Variants in DAP3 observed in about 807,000 individuals in gnomAD.
The protein encoded by DAP3 is small ribosomal subunit protein mS29.
Under a neutral mutation model 51.9 loss-of-function variants are expected in DAP3, and 28 were observed. The observed-to-expected ratio is 0.54, with a 90% CI of 0.40 to 0.74. The LOEUF (loss-of-function observed/expected upper bound fraction) is 0.74, where lower values mean the gene tolerates loss of function less well. Among genes scored for constraint, DAP3 ranks in the 30% least tolerant of loss-of-function variants. DAP3 has a pLI of 0.00. For missense variants in DAP3, 458 were observed against 483.5 expected (o/e 0.95, Z 0.49); for synonymous variants, 170 against 170.3 (o/e 1.00, Z 0.01).
At chr1:155,703,863 G>C (rs1223521293) in intron 1 of DAP3, among the ~76,000 whole-genome samples, 2 of 152,308 alleles carry the variant, frequency 1.3e-5, no homozygotes, top group Admixed American at 6.5e-5. Flanking sequence ...GAAAACTAGT[G>C]AGGGCCAGGC....
At chr1:155,735,838 ATTTTTTTTT>A (rs35138415) in intron 11 of DAP3, among the ~76,000 whole-genome samples, 1 of 82,464 alleles carries the variant, frequency 1.2e-5, no homozygotes, top group African/African-American at 5.2e-5. Flanking sequence ...CGCCTGGCTA[ATTTTTTTTT>A]TTTTTTTTTT....
intron 3 of DAP3, among the ~76,000 whole-genome samples, chr1:155,717,885 C>T (rs564972160): frequency 1.2e-3 from 178 of 152,192 alleles, no homozygotes; most frequent in African/African-American, 4.2e-3. Context: ...GTCCAGTTCC[C>T]CATTAGACTG....
At chr1:155,698,136 TACAA>T (rs763854896) in intron 1 of DAP3, among the ~76,000 whole-genome samples, 1 of 152,164 alleles carries the variant, frequency 6.6e-6, no homozygotes, top group Non-Finnish European at 1.5e-5. Context: ...ACAAATGCTT[TACAA>T]ACAATTTGTA....
chr1:155,716,978 C>T (rs747817733), intron 2 of DAP3, 28 bp from the exon 3 acceptor site: 29 of 1,601,424 alleles, frequency 1.8e-5, no homozygotes, highest in Middle Eastern at 1.7e-4. Context: ...TTGATAACCC[C>T]GTAACACTGA....
intron 1 of DAP3, among the ~76,000 whole-genome samples, chr1:155,699,496 G>A (rs1237537646): frequency 6.6e-6 from 1 of 152,128 alleles, no homozygotes; most frequent in Non-Finnish European, 1.5e-5. Context: ...AGTTTATGCA[G>A]GCACCCCATG....
chr1:155,732,005 C>T lies in DAP3; in HGVS notation c.965C>T (p.Ala322Val), dbSNP rs753162108. The T allele has an allele frequency of 1.1e-5, 18 of 1,611,740 alleles. No individual in the cohort carries two copies. Among genetic ancestry groups the T allele is most frequent in the Non-Finnish European group, 1.5e-5 (18 of 1,178,924 alleles). The change falls in exon 11 of 13, where the codon GCC becomes GTC. Residue 322 changes from alanine (A) to valine (V), a missense_variant. Transcript: ENST00000368336. ...QTGSLFKPRKAYLPQELLGKE... is the reference protein window; with the variant it reads ...QTGSLFKPRKVYLPQELLGKE... ...GGGTCTCTCTTTAAGCCCCGGAAAG[C>T]CTATCTGCCCCAGGAGTTGCTGGGA...
chr1:155,725,633 C>G, intron 5 of DAP3, 143 bp downstream of exon 5: 1 of 805,828 alleles, frequency 1.2e-6, no homozygotes, highest in Non-Finnish European at 2.0e-6. Flanking sequence ...GAAGCCGAGG[C>G]AGGCGTATCG....
At chr1:155,724,998 G>A (rs187653246) in intron 4 of DAP3, among the ~76,000 whole-genome samples, 4 of 151,602 alleles carry the variant, frequency 2.6e-5, no homozygotes, top group Admixed American at 2.0e-4. Flanking sequence ...AATGTTTATT[G>A]AATTATTAAC....
chr1:155,709,664 A>T, intron 1 of DAP3, 109 bp from the exon 2 acceptor site: 2 of 799,390 alleles, frequency 2.5e-6, no homozygotes, highest in Non-Finnish European at 3.7e-6. Flanking sequence ...TATATTCTAG[A>T]TATTAATATA....
chr1:155,734,179 A>G (rs1011814833), intron 11 of DAP3, among the ~76,000 whole-genome samples: 11 of 152,074 alleles, frequency 7.2e-5, no homozygotes, highest in African/African-American at 2.7e-4. Flanking sequence ...AGCTCCTTCA[A>G]GCTAACTTCT....
chr1:155,711,682 TTG>T (rs1656741037), intron 2 of DAP3, among the ~76,000 whole-genome samples: 1 of 151,344 alleles, frequency 6.6e-6, no homozygotes, highest in Non-Finnish European at 1.5e-5. Context: ...GAAGGAGAGT[TTG>T]TTAAGGAGTA....
At chr1:155,717,247 GTGCACCT>G in intron 3 of DAP3, 119 bp downstream of exon 3, 1 of 1,463,582 alleles carries the variant, frequency 6.8e-7, no homozygotes, top group East Asian at 2.3e-5. Flanking sequence ...TACTCAGATA[GTGCACCT>G]GAGATAGCAC....
At chr1:155,724,953 TC>T (rs1658410867) in intron 4 of DAP3, among the ~76,000 whole-genome samples, 1 of 146,774 alleles carries the variant, frequency 6.8e-6, no homozygotes. Flanking sequence ...AAACTCCGTC[TC>T]AAAAAAAAAA....
intron 11 of DAP3, among the ~76,000 whole-genome samples, chr1:155,733,787 A>G (rs1171151814): frequency 4.6e-5 from 7 of 152,110 alleles, no homozygotes; most frequent in Admixed American, 4.6e-4. Context: ...CAGTGAACCA[A>G]GATTGTGCCA....
intron 4 of DAP3, among the ~76,000 whole-genome samples, chr1:155,724,640 GA>G (rs936826529): frequency 0.013 from 1,168 of 90,952 alleles, 9 homozygotes; most frequent in African/African-American, 0.028. Context: ...CTCAAAAAAA[GA>G]AAAAAAAAAA....
intron 1 of DAP3, among the ~76,000 whole-genome samples, chr1:155,705,673 CTTTTT>C (rs1655883803): frequency 6.6e-6 from 1 of 150,448 alleles, no homozygotes. Context: ...TTCTCTCTCT[CTTTTT>C]ATTTATTTTT....
chr1:155,708,136 C>G (rs901309574), intron 1 of DAP3, among the ~76,000 whole-genome samples: 1 of 152,152 alleles, frequency 6.6e-6, no homozygotes, highest in Non-Finnish European at 1.5e-5. Flanking sequence ...CAACCTCTGC[C>G]TCCCAGGTTC....
intron 4 of DAP3, among the ~76,000 whole-genome samples, chr1:155,723,749 T>C (rs1658255640): frequency 6.6e-6 from 1 of 152,184 alleles, no homozygotes; most frequent in African/African-American, 2.4e-5. Flanking sequence ...TTTAAAAATA[T>C]CAACACTGGC....
chr1:155,689,906 G>A (rs1653474407), intron 1 of DAP3, among the ~76,000 whole-genome samples: 2 of 44,388 alleles, frequency 4.5e-5, no homozygotes, highest in South Asian at 6.9e-4. Context: ...GCGAGACTCC[G>A]TCACACACAC....
Sources: gnomAD v4.1 joint callset for allele counts (sites outside exome capture counted in the v4.1 genomes callset) on GRCh38, gnomAD v4.1.1 for gene constraint, MANE v1.5 for transcripts, NCBI Gene and HGNC (gene_info 2026-07-23, HGNC 2026-07-21) for gene names.